EMCN: variants seen among roughly 807,000 people sequenced by gnomAD.
EMCN encodes the protein endomucin, also known as MUC-14.
Under a neutral mutation model 38.4 loss-of-function variants are expected in EMCN, and 37 were observed. The observed-to-expected ratio is 0.96, with a 90% CI of 0.74 to 1.27. The LOEUF (loss-of-function observed/expected upper bound fraction) is 1.27, where lower values mean the gene tolerates loss of function less well. Ranked by LOEUF, EMCN falls within the 50% of genes most tolerant of loss-of-function variation. The pLI, the probability that EMCN is intolerant of heterozygous loss-of-function variation, is 0.00. For missense variants in EMCN, 318 were observed against 302.8 expected, an observed-to-expected ratio of 1.05 and a Z score of -0.37; for synonymous variants, 95 against 100.8, an observed-to-expected ratio of 0.94 and a Z score of 0.35.
At chr4:100,486,082 A>G (rs1400635212) in intron 1 of EMCN, among the ~76,000 whole-genome samples, 3 of 152,184 alleles carry the variant, frequency 2.0e-5, no homozygotes, top group African/African-American at 7.2e-5. Context: ...CAACTAGAAG[A>G]TTATGCTTGC....
chr4:100,414,165 A>G (rs1726645287), intron 10 of EMCN, among the ~76,000 whole-genome samples: 1 of 152,036 alleles, frequency 6.6e-6, no homozygotes, highest in Admixed American at 6.6e-5. Context: ...ACTTCCAGGT[A>G]TGTTTAGCAC....
At chr4:100,415,992 A>G (rs1286874684) in intron 9 of EMCN, 33 bp from the exon 10 acceptor site, 2 of 1,413,182 alleles carry the variant, frequency 1.4e-6, no homozygotes, top group Non-Finnish European at 2.0e-6. Flanking sequence ...AATTAACACC[A>G]CAGTAATCAG....
chr4:100,436,338 G>A (rs188357764), intron 5 of EMCN, among the ~76,000 whole-genome samples: 1 of 152,008 alleles, frequency 6.6e-6, no homozygotes. Flanking sequence ...TCAGAATCAC[G>A]ATTGTTAAAA....
intron 1 of EMCN, among the ~76,000 whole-genome samples, chr4:100,515,303 G>A (rs1349490798): frequency 6.6e-6 from 1 of 151,940 alleles, no homozygotes; most frequent in Non-Finnish European, 1.5e-5. Flanking sequence ...CCAGGGTAGG[G>A]GTCTGTTCAG....
intron 1 of EMCN, among the ~76,000 whole-genome samples, chr4:100,508,923 C>T (rs949668450): frequency 5.9e-5 from 9 of 152,270 alleles, no homozygotes; most frequent in Admixed American, 3.3e-4. Context: ...GCCAACCAAA[C>T]GAGTATTCCA....
rs944186290 is a variant in EMCN at position 100,396,481 on chromosome 4, G to C, written c.*1932C>G. 1 of 150,596 alleles carries C rather than the reference G, an allele frequency of 6.6e-6. No homozygotes were observed. The highest frequency in any genetic ancestry group is 1.5e-5 in the Non-Finnish European group (1 of 67,842). The allele number at this position is 150,596 out of a possible 1,614,324, so 9.3% of individuals were successfully genotyped here. ...ATATGCTGTATGTAACATGGTTTTT[G>C]CTGAAGAGCTCGGTAAATTATCTAG... On this transcript the variant is annotated 3_prime_UTR_variant, in exon 12 of 12. Coordinates refer to ENST00000296420, the MANE Select transcript of EMCN (RefSeq NM_016242.4).
At chr4:100,411,775 T>C (rs72919536) in intron 10 of EMCN, among the ~76,000 whole-genome samples, 12,919 of 152,216 alleles carry the variant, frequency 0.085, 968 homozygotes, top group African/African-American at 0.2. Context: ...TATATGTTAA[T>C]TTGCCAAATT....
intron 5 of EMCN, among the ~76,000 whole-genome samples, chr4:100,431,833 G>A (rs1727212386): frequency 6.6e-6 from 1 of 151,138 alleles, no homozygotes; most frequent in Non-Finnish European, 1.5e-5. Context: ...CGCTCTCGCT[G>A]TCAATGCACA....
chr4:100,471,470 G>C (rs752831975), intron 3 of EMCN, among the ~76,000 whole-genome samples: 2 of 151,828 alleles, frequency 1.3e-5, no homozygotes, highest in Non-Finnish European at 2.9e-5. Context: ...CATAAAGAAA[G>C]CTCAGCACCA....
intron 8 of EMCN, among the ~76,000 whole-genome samples, chr4:100,419,777 A>G (rs1013206059): frequency 2.0e-5 from 3 of 152,100 alleles, no homozygotes; most frequent in African/African-American, 4.8e-5. Flanking sequence ...AAGTTTATTC[A>G]CTGATTCCCA....
chr4:100,505,756 G>T (rs923513310), intron 1 of EMCN, among the ~76,000 whole-genome samples: 1 of 152,134 alleles, frequency 6.6e-6, no homozygotes, highest in Non-Finnish European at 1.5e-5. Flanking sequence ...TCCCAGTACA[G>T]TTGGTCAGAA....
chr4:100,477,026 A>T (rs2110277771), intron 2 of EMCN, among the ~76,000 whole-genome samples: 1 of 152,344 alleles, frequency 6.6e-6, no homozygotes, highest in South Asian at 2.1e-4. Context: ...TAGAGGATGT[A>T]CAATGGAAAC....
intron 1 of EMCN, among the ~76,000 whole-genome samples, chr4:100,512,189 G>A (rs1297190410): frequency 1.3e-5 from 2 of 152,032 alleles, no homozygotes; most frequent in African/African-American, 4.8e-5. Context: ...CTCATACGGT[G>A]ACTTCTTCTA....
At chr4:100,450,628 G>C (rs981693293) in intron 4 of EMCN, among the ~76,000 whole-genome samples, 4 of 151,862 alleles carry the variant, frequency 2.6e-5, no homozygotes, top group Admixed American at 6.6e-5. Context: ...TGAGTCATTA[G>C]ACATGAGAAT....
chr4:100,459,594 C>T (rs537377827), intron 4 of EMCN, among the ~76,000 whole-genome samples: 105 of 152,214 alleles, frequency 6.9e-4, no homozygotes, highest in African/African-American at 2.5e-3. Context: ...TCCCCACCTC[C>T]AGCTTCTAGT....
At chr4:100,442,067 T>G (rs1727535250) in intron 5 of EMCN, among the ~76,000 whole-genome samples, 1 of 152,234 alleles carries the variant, frequency 6.6e-6, no homozygotes, top group South Asian at 2.1e-4. Context: ...TAAGCATTTC[T>G]TGTAAGGCAG....
At chr4:100,437,661 A>G (rs115218835) in intron 5 of EMCN, among the ~76,000 whole-genome samples, 79 of 152,280 alleles carry the variant, frequency 5.2e-4, no homozygotes, top group African/African-American at 1.8e-3. Flanking sequence ...TGAAAAGACT[A>G]TCATATACCC....
intron 1 of EMCN, among the ~76,000 whole-genome samples, chr4:100,483,699 T>G (rs577372232): frequency 6.6e-6 from 1 of 152,294 alleles, no homozygotes; most frequent in African/African-American, 2.4e-5. Flanking sequence ...TACCATGTGG[T>G]GGAAAAGAAT....
chr4:100,488,920 GT>G (rs1483669216), intron 1 of EMCN, among the ~76,000 whole-genome samples: 2 of 152,006 alleles, frequency 1.3e-5, no homozygotes, highest in Non-Finnish European at 2.9e-5. Context: ...CTGAAAGGTT[GT>G]TTTAAGTTAC....
Sources: gnomAD v4.1 joint callset for allele counts (sites outside exome capture counted in the v4.1 genomes callset) on GRCh38, gnomAD v4.1.1 for gene constraint, MANE v1.5 for transcripts, NCBI Gene and HGNC (gene_info 2026-07-23, HGNC 2026-07-21) for gene names.